The following FAT3 variants were observed in gnomAD, a reference collection of about 807,000 sequenced individuals.
The protein encoded by FAT3 is protocadherin Fat 3.
A neutral mutation model predicts 310.2 loss-of-function variants in FAT3; 95 were observed. That is an observed-to-expected ratio of 0.31 (90% confidence interval 0.26 to 0.36). FAT3 has a LOEUF of 0.36. Among genes scored for constraint, FAT3 ranks in the 10% least tolerant of loss-of-function variants. The pLI is 1.00. For missense variants in FAT3, 5,408 were observed against 5,715.6 expected (o/e 0.95, Z 1.74); for synonymous variants, 2,314 against 2,192.9 (o/e 1.06, Z -1.54).
intron 2 of FAT3, among the ~76,000 whole-genome samples, chr11:92,390,445 T>C (rs1488131453): frequency 6.6e-6 from 1 of 152,140 alleles, no homozygotes; most frequent in Non-Finnish European, 1.5e-5. Context: ...ACTTTTGAAA[T>C]GAACATCTGA....
chr11:92,625,739 C>CTT (rs5793614), intron 3 of FAT3, among the ~76,000 whole-genome samples: 5 of 146,698 alleles, frequency 3.4e-5, no homozygotes, highest in East Asian at 2.0e-4. Flanking sequence ...TGTCCTTCAA[C>CTT]TTTTTTTTTT....
At chr11:92,456,994 A>G (rs1430757666) in intron 2 of FAT3, among the ~76,000 whole-genome samples, 1 of 152,172 alleles carries the variant, frequency 6.6e-6, no homozygotes, top group Admixed American at 6.5e-5. Flanking sequence ...CTGGAGCAGG[A>G]GAGGACACAG....
chr11:92,323,042 T>C (rs1033314413), intron 1 of FAT3, among the ~76,000 whole-genome samples: 7 of 152,192 alleles, frequency 4.6e-5, no homozygotes, highest in Non-Finnish European at 7.3e-5. Flanking sequence ...ATGGCAACTA[T>C]AGCCATTTGA....
At chr11:92,879,029 G>T (rs933694554) in intron 22 of FAT3, among the ~76,000 whole-genome samples, 1 of 151,542 alleles carries the variant, frequency 6.6e-6, no homozygotes, top group Non-Finnish European at 1.5e-5. Flanking sequence ...GAGGCAAAAA[G>T]ATCCTCCAAG....
At chr11:92,743,846 A>T (rs1945576966) in intron 4 of FAT3, among the ~76,000 whole-genome samples, 1 of 152,114 alleles carries the variant, frequency 6.6e-6, no homozygotes, top group Non-Finnish European at 1.5e-5. Flanking sequence ...AGGAAGAGAG[A>T]CCTGAGCTAG....
intron 1 of FAT3, among the ~76,000 whole-genome samples, chr11:92,256,678 A>T (rs1865331450): frequency 1.3e-5 from 2 of 152,088 alleles, no homozygotes; most frequent in Admixed American, 1.3e-4. Context: ...TTTATTATGG[A>T]TTTACTCTGG....
At chr11:92,281,741 C>G (rs943594264) in intron 1 of FAT3, among the ~76,000 whole-genome samples, 1 of 152,176 alleles carries the variant, frequency 6.6e-6, no homozygotes, top group Non-Finnish European at 1.5e-5. Flanking sequence ...TAATCGCTCA[C>G]TGGTCCACTG....
chr11:92,537,694 A>G (rs1419876836), intron 3 of FAT3, among the ~76,000 whole-genome samples: 1 of 152,084 alleles, frequency 6.6e-6, no homozygotes, highest in Admixed American at 6.6e-5. Context: ...CATTACTGAA[A>G]CTCAGCTATG....
At chr11:92,641,954 G>C (rs142627585) in intron 3 of FAT3, among the ~76,000 whole-genome samples, 1 of 152,376 alleles carries the variant, frequency 6.6e-6, no homozygotes, top group African/African-American at 2.4e-5. Context: ...TGCAACATGA[G>C]GTTGAAGGGA....
intron 3 of FAT3, among the ~76,000 whole-genome samples, chr11:92,648,467 T>G (rs1475649571): frequency 6.6e-6 from 1 of 152,178 alleles, no homozygotes; most frequent in Non-Finnish European, 1.5e-5. Flanking sequence ...ATTCTAGGAA[T>G]AGCGTTCAGG....
chr11:92,521,744 C>G (rs184603037), intron 2 of FAT3, among the ~76,000 whole-genome samples: 203 of 152,144 alleles, frequency 1.3e-3, no homozygotes, highest in African/African-American at 4.6e-3. Flanking sequence ...ACATGGTGTC[C>G]TTATCTTTAA....
chr11:92,762,951 A>C (rs1946196359), intron 5 of FAT3, among the ~76,000 whole-genome samples: 1 of 152,040 alleles, frequency 6.6e-6, no homozygotes, highest in Admixed American at 6.6e-5. Flanking sequence ...TGAGGTCAGG[A>C]GTTTGAGACC....
intron 1 of FAT3, among the ~76,000 whole-genome samples, chr11:92,265,403 A>G (rs2134318757): frequency 6.6e-6 from 1 of 152,058 alleles, no homozygotes; most frequent in Non-Finnish European, 1.5e-5. Context: ...AAATTGGTGA[A>G]TGGGGAAGAC....
At chr11:92,821,107 C>A (rs1338689297) in intron 13 of FAT3, among the ~76,000 whole-genome samples, 1 of 152,148 alleles carries the variant, frequency 6.6e-6, no homozygotes, top group Non-Finnish European at 1.5e-5. Flanking sequence ...CCATGGGGCA[C>A]TAGGTCCACT....
At position 92,883,456 on chromosome 11, in the gene FAT3, C is replaced by T. The variant is rs1949724427; in HGVS notation, c.12937+63C>T. 2 of 1,533,502 alleles carry T rather than the reference C, an allele frequency of 1.3e-6. No individual in the cohort carries two copies. Among genetic ancestry groups the T allele is most frequent in the Non-Finnish European group, 1.8e-6 (2 of 1,137,466 alleles). 95.0% of individuals were successfully genotyped at this position (1,533,502 alleles called of 1,614,324 possible). A position where few individuals can be genotyped will look rare whatever the true frequency, so the allele number is the denominator to read the frequency against. ...ACAGGGAACCTGCAGGGGCGCTGTG[C>T]GAGGACGCTACGGGAAGGGAGAGAG... On this transcript the variant is annotated intron_variant, in intron 24 of 27. Coordinates refer to ENST00000525166, the MANE Select transcript of FAT3 (RefSeq NM_001367949.2). The surrounding 1 kb of genome is among the most constrained non-coding windows in gnomAD (Gnocchi z 4.2).
intron 3 of FAT3, among the ~76,000 whole-genome samples, chr11:92,602,554 C>T (rs2135592549): frequency 6.6e-6 from 1 of 152,330 alleles, no homozygotes; most frequent in Admixed American, 6.5e-5. Context: ...GTCTATGCTA[C>T]TAAGTGTTCT....
intron 3 of FAT3, among the ~76,000 whole-genome samples, chr11:92,534,834 T>TA (rs1381870161): frequency 6.6e-6 from 1 of 152,182 alleles, no homozygotes; most frequent in Non-Finnish European, 1.5e-5. Flanking sequence ...TGAAGCCACA[T>TA]AAGACAGAGG....
chr11:92,340,749 T>C (rs879256642), intron 1 of FAT3, among the ~76,000 whole-genome samples: 5 of 152,156 alleles, frequency 3.3e-5, no homozygotes, highest in Non-Finnish European at 5.9e-5. Context: ...ATTGAAGGGG[T>C]GACCTTGGTC....
At chr11:92,808,698 G>T (rs938439399) in intron 12 of FAT3, among the ~76,000 whole-genome samples, 6 of 152,032 alleles carry the variant, frequency 3.9e-5, no homozygotes, top group African/African-American at 2.4e-5. Context: ...GGCCGAGGTG[G>T]GTGGATCACA....
Sources: allele counts gnomAD v4.1 joint callset (sites outside exome capture counted in the v4.1 genomes callset), GRCh38; gene constraint gnomAD v4.1.1; non-coding constraint Gnocchi (gnomAD v3.1); transcripts MANE v1.5; gene names NCBI Gene and HGNC (gene_info 2026-07-23, HGNC 2026-07-21).